The following NUMB variants were observed in gnomAD, a reference collection of about 807,000 sequenced individuals.
NUMB encodes NUMB endocytic adaptor protein.
A neutral mutation model predicts 59.7 loss-of-function variants in NUMB; 29 were observed. That is an observed-to-expected ratio of 0.49 (90% confidence interval 0.36 to 0.66). The LOEUF (loss-of-function observed/expected upper bound fraction) is 0.66. NUMB is among the 30% of genes least tolerant of loss of function. The probability of loss-of-function intolerance (pLI) is 0.00; values close to 1 mark genes in which losing one functional copy is unlikely to be tolerated. For missense variants in NUMB, 723 were observed against 822.0 expected (o/e 0.88, Z 1.47); for synonymous variants, 288 against 288.2 (o/e 1.00, Z 0.01).
At chr14:73,420,588 C>T (rs999706772) in intron 1 of NUMB, among the ~76,000 whole-genome samples, 2 of 152,072 alleles carry the variant, frequency 1.3e-5, no homozygotes, top group African/African-American at 2.4e-5. Context: ...GGGATGCCAA[C>T]GCACGCGGAT....
chr14:73,297,334 T>A (rs1466550298), intron 6 of NUMB, 49 bp from the exon 7 acceptor site: 1 of 1,101,272 alleles, frequency 9.1e-7, no homozygotes. Context: ...ATATATAATA[T>A]TAAAAAAATG....
intron 6 of NUMB, among the ~76,000 whole-genome samples, chr14:73,302,382 A>G (rs917222641): frequency 1.3e-5 from 2 of 148,630 alleles, no homozygotes; most frequent in African/African-American, 2.5e-5. Flanking sequence ...CACAAATTCT[A>G]TAGTTGCAAT....
In NUMB at chr14:73,301,002, TA is replaced by T. The variant is rs145827322; in HGVS notation, c.235-3718del. On this transcript the variant is annotated intron_variant, in intron 6 of 12. Transcript: ENST00000555238. Reference sequence around the variant, plus strand: ...ACCAGCAACAGTAACTGCTCATATTTAACCAACCCTCATGTAACATTTAGTA... The same window carrying T: ...ACCAGCAACAGTAACTGCTCATATTTACCAACCCTCATGTAACATTTAGTA... Among the ~76,000 whole-genome samples the T allele has an allele frequency of 6.8e-3, 1,036 of 152,354 alleles. 4 individuals carry two copies. Among genetic ancestry groups the T allele is most frequent in the South Asian group, 0.03 (144 of 4,830 alleles).
intron 4 of NUMB, among the ~76,000 whole-genome samples, chr14:73,339,936 G>A (rs1057350849): frequency 4.6e-5 from 7 of 151,954 alleles, no homozygotes; most frequent in African/African-American, 7.3e-5. Context: ...GGGGAAGTTG[G>A]TGACAGACAC....
At chr14:73,298,987 G>C (rs1314510489) in intron 6 of NUMB, 2 of 152,192 alleles carry the variant, frequency 1.3e-5, no homozygotes, top group Non-Finnish European at 2.9e-5. Flanking sequence ...ATCTCTTTGT[G>C]GAATTGGGGA....
intron 4 of NUMB, among the ~76,000 whole-genome samples, chr14:73,338,155 C>T (rs377273310): frequency 6.6e-6 from 1 of 151,936 alleles, no homozygotes; most frequent in African/African-American, 2.4e-5. Context: ...ATCAGCCAGG[C>T]ATCTGTATGT....
chr14:73,388,493 A>G (rs116651036), intron 2 of NUMB, among the ~76,000 whole-genome samples: 198 of 152,328 alleles, frequency 1.3e-3, no homozygotes, highest in African/African-American at 4.5e-3. Context: ...TTATTTATAT[A>G]GAATAAAGTT....
At chr14:73,370,813 G>T (rs572875675) in intron 2 of NUMB, among the ~76,000 whole-genome samples, 18 of 152,032 alleles carry the variant, frequency 1.2e-4, no homozygotes, top group South Asian at 2.1e-4. Flanking sequence ...TCATTTCTGT[G>T]AATTCTATAA....
chr14:73,300,047 CATTAT>C (rs1452731990), intron 6 of NUMB, among the ~76,000 whole-genome samples: 1 of 149,228 alleles, frequency 6.7e-6, no homozygotes, highest in African/African-American at 2.4e-5. Flanking sequence ...CCATTATCAT[CATTAT>C]ATTATTAATA....
chr14:73,455,536 T>C (rs977948155), intron 1 of NUMB, among the ~76,000 whole-genome samples: 2 of 152,224 alleles, frequency 1.3e-5, no homozygotes, highest in African/African-American at 4.8e-5. Flanking sequence ...TCCCTCTTAA[T>C]AAATGATTTA....
intron 4 of NUMB, among the ~76,000 whole-genome samples, chr14:73,352,837 T>C: frequency 6.6e-6 from 1 of 150,642 alleles, no homozygotes. Context: ...CCACCGTGCC[T>C]GCCCTGTAAT....
At chr14:73,414,805 C>T (rs1018427354) in intron 1 of NUMB, among the ~76,000 whole-genome samples, 12 of 152,146 alleles carry the variant, frequency 7.9e-5, no homozygotes, top group Non-Finnish European at 1.2e-4. Flanking sequence ...CTGCAAGCTC[C>T]GCCTCCCGGG....
At chr14:73,287,057 C>G (rs1889060092) in intron 9 of NUMB, 53 bp downstream of exon 9, 2 of 1,539,974 alleles carry the variant, frequency 1.3e-6, no homozygotes, top group Non-Finnish European at 1.8e-6. Flanking sequence ...CAAAATAATA[C>G]CTTGTTGGGA....
At chr14:73,392,725 C>G (rs185737626) in intron 2 of NUMB, among the ~76,000 whole-genome samples, 1 of 152,262 alleles carries the variant, frequency 6.6e-6, no homozygotes, top group Admixed American at 6.5e-5. Flanking sequence ...TTCACTGATT[C>G]TCTATTATAT....
intron 1 of NUMB, among the ~76,000 whole-genome samples, chr14:73,454,121 G>A (rs1273240850): frequency 2.0e-5 from 3 of 151,772 alleles, no homozygotes; most frequent in Non-Finnish European, 4.4e-5. Flanking sequence ...CTGGGTGACA[G>A]GACCAATCAT....
chr14:73,316,263 A>T, intron 6 of NUMB, 127 bp downstream of exon 6: 1 of 742,922 alleles, frequency 1.3e-6, no homozygotes, highest in Non-Finnish European at 2.3e-6. Flanking sequence ...ATTAATTTCC[A>T]TATACAATCA....
At chr14:73,345,006 G>A (rs994669766) in intron 4 of NUMB, among the ~76,000 whole-genome samples, 4 of 152,234 alleles carry the variant, frequency 2.6e-5, no homozygotes, top group South Asian at 2.1e-4. Context: ...GTATATACCC[G>A]AGGGAATACA....
intron 4 of NUMB, among the ~76,000 whole-genome samples, chr14:73,338,788 G>A (rs551496621): frequency 6.6e-6 from 1 of 152,286 alleles, no homozygotes; most frequent in African/African-American, 2.4e-5. Flanking sequence ...ACAGCTATCT[G>A]GCTTCCTGTT....
At chr14:73,412,861 C>T (rs1183982720) in intron 1 of NUMB, among the ~76,000 whole-genome samples, 1 of 151,852 alleles carries the variant, frequency 6.6e-6, no homozygotes, top group African/African-American at 2.4e-5. Context: ...AACTCCAGGC[C>T]TCAAGTGTCT....
Sources: allele counts gnomAD v4.1 joint callset (sites outside exome capture counted in the v4.1 genomes callset), GRCh38; gene constraint gnomAD v4.1.1; transcripts MANE v1.5; gene names NCBI Gene and HGNC (gene_info 2026-07-23, HGNC 2026-07-21).